The following TTBK1 variants were observed in gnomAD, a reference collection of about 807,000 sequenced individuals.
TTBK1 encodes tau-tubulin kinase 1.
TTBK1 carries 34 observed loss-of-function variants against 108.5 expected under a neutral mutation model. That is an observed-to-expected ratio of 0.31 (90% CI 0.24 to 0.42). The LOEUF (loss-of-function observed/expected upper bound fraction) is 0.42, where lower values mean the gene tolerates loss of function less well. TTBK1 is among the 10% of genes least tolerant of loss of function. The pLI, the probability that TTBK1 is intolerant of heterozygous loss-of-function variation, is 1.00. For synonymous variants in TTBK1, 809 were observed against 795.1 expected, an observed-to-expected ratio of 1.02 and a Z score of -0.29; for missense variants, 1,539 against 1,826.0, an observed-to-expected ratio of 0.84 and a Z score of 2.86.
rs542377476 is a variant in TTBK1 at position 43,265,397 on chromosome 6, G to A, written c.1986+2047G>A. 6.6e-6 allele frequency among the ~76,000 whole-genome samples: 1 copy of A among 152,310 alleles called. No individual in the cohort carries two copies. The highest frequency in any genetic ancestry group is 2.1e-4 in the South Asian group (1 of 4,832). ...AGAGGACCTCTGAGCTGTGATCCTG[G>A]GGAGTATGCATCCAGGCCTTGCCTG... On this transcript the variant is annotated intron_variant, in intron 13 of 14. Transcript: ENST00000259750. The surrounding 1 kb of genome is among the most constrained non-coding windows in gnomAD (Gnocchi z 4.1).
chr6:43,272,026 C>A, intron 13 of TTBK1: 1 of 985,438 alleles, frequency 1.0e-6, no homozygotes. Flanking sequence ...AAACAAAAAG[C>A]ACAAAGGTGA....
intron 13 of TTBK1, among the ~76,000 whole-genome samples, chr6:43,275,443 G>T (rs932465850): frequency 2.6e-5 from 4 of 151,956 alleles, no homozygotes; most frequent in African/African-American, 9.7e-5. Context: ...TGGCCCCGGG[G>T]CGGGGGCGGG....
rs1052972435 is a variant in TTBK1 at position 43,269,985 on chromosome 6, G to T, written c.1986+6635G>T. 2.8e-5 allele frequency: 40 copies of T among 1,425,420 alleles called. No homozygotes were observed. The highest frequency in any genetic ancestry group is 2.4e-4 in the Admixed American group (8 of 33,850). 88.3% of individuals were successfully genotyped at this position (1,425,420 alleles called of 1,614,324 possible). On this transcript the variant is annotated intron_variant, in intron 13 of 14. Transcript: ENST00000259750. The surrounding 1 kb of genome is among the most constrained non-coding windows in gnomAD (Gnocchi z 4.8). ...CCCCCCCTCCTGGAGGGGGCAGGTG[G>T]GGGGGGGTGGGGAGCAGGCAGAGGA...
chr6:43,259,545 G>C lies in TTBK1; in HGVS notation c.1263G>C (p.Glu421Asp). ...RINIGKSPCV[E>D]EEQSRGMGVP... ...CTCTCCTGCAGAGCCCCTGTGTGGA[G>C]GAGGAACAGAGCCGAGGCATGGGGG... Residue 421 changes from glutamate (E) to aspartate (D), a missense_variant, in exon 12 of 15, where the codon GAG becomes GAC. Physicochemically the swap from Glu to Asp is conservative, Grantham distance 45. This residue lies in a region of TTBK1 where 277 missense variants were observed against 332.4 expected (regional missense o/e 0.83). Coordinates refer to ENST00000259750, the MANE Select transcript of TTBK1 (RefSeq NM_032538.3). This position sits in a 1 kb window ranked among gnomAD's most constrained non-coding sequence, Gnocchi z 6.7. 1 of 1,589,670 alleles carries C rather than the reference G, an allele frequency of 6.3e-7. No homozygotes were observed. Among genetic ancestry groups the C allele is most frequent in the Non-Finnish European group, 8.6e-7 (1 of 1,168,926 alleles).
At chr6:43,254,518 C>G in intron 5 of TTBK1, 29 bp from the exon 6 acceptor site, 1 of 1,524,722 alleles carries the variant, frequency 6.6e-7, no homozygotes, top group Non-Finnish European at 8.8e-7. Flanking sequence ...GTTGGGGCCC[C>G]CAGAGCTCAC....
chr6:43,246,523 C>T, intron 1 of TTBK1, 84 bp from the exon 2 acceptor site: 1 of 598,202 alleles, frequency 1.7e-6, no homozygotes, highest in East Asian at 2.9e-5. Context: ...GAATGCAGAG[C>T]AGGAGTGGAG....
Position 43,284,094 on chromosome 6 carries a change from C to A in TTBK1, c.3354C>A (p.Arg1118=). Reference sequence around the variant, plus strand: ...CGTCCTCCTCCAGTGAGGAGCAGCGCCGTGCCTCTGAGACCCTCTCAGGCA... The same window carrying A: ...CGTCCTCCTCCAGTGAGGAGCAGCGACGTGCCTCTGAGACCCTCTCAGGCA... ...GASSSSSEEQ[R]RASETLSGTG... The change falls in exon 14 of 15, where the codon CGC becomes CGA. Residue 1118 remains arginine (R), a synonymous_variant. Coordinates refer to ENST00000259750, the MANE Select transcript of TTBK1 (RefSeq NM_032538.3). 6.5e-7 allele frequency: 1 copy of A among 1,540,426 alleles called. No homozygotes were observed. Among genetic ancestry groups the A allele is most frequent in the Non-Finnish European group, 8.7e-7 (1 of 1,145,796 alleles).
chr6:43,259,638 G>A lies in TTBK1; in HGVS notation c.1356G>A (p.Arg452=). ...PTTPVRSLRY[R]RVNSPESERL... ...CCCCAGTCCGTTCTCTGCGCTACCG[G>A]AGGGTGAACAGCCCTGAGTCAGAAA... Residue 452 remains arginine, a synonymous_variant, in exon 12 of 15, where the codon CGG becomes CGA. Transcript: ENST00000259750. The surrounding 1 kb of genome is among the most constrained non-coding windows in gnomAD (Gnocchi z 6.7). The A allele has an allele frequency of 6.2e-7, 1 of 1,610,398 alleles. No individual in the cohort carries two copies. The highest frequency in any genetic ancestry group is 8.5e-7 in the Non-Finnish European group (1 of 1,178,634).
chr6:43,254,973 G>C (rs1777346375), intron 6 of TTBK1, 76 bp from the exon 7 acceptor site: 1 of 1,429,978 alleles, frequency 7.0e-7, no homozygotes, highest in African/African-American at 1.4e-5. Context: ...TGAAGAGTTA[G>C]ACTTGGTGGC....
Position 43,243,667 on chromosome 6 carries a change from TCCGCCG to T in TTBK1, c.-88_-83del, listed in dbSNP as rs1282171577. The T allele has an allele frequency of 6.6e-6, 1 of 152,536 alleles. No homozygotes were observed. Among genetic ancestry groups the T allele is most frequent in the African/African-American group, 2.4e-5 (1 of 41,062 alleles). The allele number at this position is 152,536 out of a possible 1,614,324, so 9.4% of individuals were successfully genotyped here. On this transcript the variant is annotated 5_prime_UTR_variant, in exon 1 of 15. Transcript: ENST00000259750. This position sits in a 1 kb window ranked among gnomAD's most constrained non-coding sequence, Gnocchi z 5.5. The stretch of plus-strand genomic sequence containing the variant: ...GGATGCGCCGCCCCGAGCTGCTGCC[TCCGCCG>T]CCGCCGCAGCCGCAGCCGCAGCGGG...
At position 43,270,000 on chromosome 6, in the gene TTBK1, C is replaced by G. The variant is rs1002433765; in HGVS notation, c.1986+6650C>G. ...GGGGCAGGTGGGGGGGGGTGGGGAG[C>G]AGGCAGAGGACCATGGTTCCTTCCC... On this transcript the variant is annotated intron_variant, in intron 13 of 14. Coordinates refer to ENST00000259750, the MANE Select transcript of TTBK1 (RefSeq NM_032538.3). The surrounding 1 kb of genome is among the most constrained non-coding windows in gnomAD (Gnocchi z 4.8). The G allele has an allele frequency of 2.8e-6, 4 of 1,428,918 alleles. No homozygotes were observed. In the African/African-American group the frequency reaches 5.8e-5, roughly 21 times the overall value. 88.5% of individuals were successfully genotyped at this position (1,428,918 alleles called of 1,614,324 possible). A position where few individuals can be genotyped will look rare whatever the true frequency, so the allele number is the denominator to read the frequency against.
rs1582488043 is a variant in TTBK1, at chr6:43,259,411, C to T, written c.1249-120C>T. On this transcript the variant is annotated intron_variant, in intron 11 of 14. Coordinates refer to ENST00000259750, the MANE Select transcript of TTBK1 (RefSeq NM_032538.3). This position sits in a 1 kb window ranked among gnomAD's most constrained non-coding sequence, Gnocchi z 6.7. ...CCCTGCCTCTGTTTCCCGGTCCCTC[C>T]CCGCACTAGCCTCGCTGTGTCTTCC... The T allele has an allele frequency of 6.8e-6, 9 of 1,320,358 alleles. 1 individual carries two copies. In the South Asian group the frequency reaches 1.3e-4, roughly 20 times the overall value. 81.8% of individuals were successfully genotyped at this position (1,320,358 alleles called of 1,614,324 possible). A position where few individuals can be genotyped will look rare whatever the true frequency, so the allele number is the denominator to read the frequency against.
chr6:43,282,656 G>A lies in TTBK1; in HGVS notation c.1987-71G>A. On this transcript the variant is annotated intron_variant, in intron 13 of 14. Transcript: ENST00000259750. This position sits in a 1 kb window ranked among gnomAD's most constrained non-coding sequence, Gnocchi z 5.4. ...GGCCTGTGAGTCTCCTAGGTTGTGGGTGCAGCTGAAGTCTTCCTGGGCCCA... is the reference window on the plus strand; with the variant it reads ...GGCCTGTGAGTCTCCTAGGTTGTGGATGCAGCTGAAGTCTTCCTGGGCCCA... 3 of 1,323,694 alleles carry A rather than the reference G, an allele frequency of 2.3e-6. No individual in the cohort carries two copies. Among genetic ancestry groups the A allele is most frequent in the African/African-American group, 1.5e-5 (1 of 67,778 alleles). 82.0% of individuals were successfully genotyped at this position (1,323,694 alleles called of 1,614,324 possible). A position where few individuals can be genotyped will look rare whatever the true frequency, so the allele number is the denominator to read the frequency against.
In TTBK1 at chr6:43,259,554, G is replaced by C. The variant is rs775850715; in HGVS notation, c.1272G>C (p.Gln424His). ...AGAGCCCCTGTGTGGAGGAGGAACA[G>C]AGCCGAGGCATGGGGGTCCCCAGCT... The part of the protein sequence containing the change: ...IGKSPCVEEE[Q>H]SRGMGVPSSP... The change falls in exon 12 of 15, where the codon CAG becomes CAC. Residue 424 changes from glutamine (Q) to histidine (H), a missense_variant. Coordinates refer to ENST00000259750, the MANE Select transcript of TTBK1 (RefSeq NM_032538.3). The surrounding 1 kb of genome is among the most constrained non-coding windows in gnomAD (Gnocchi z 6.7). The C allele has an allele frequency of 6.9e-6, 11 of 1,598,058 alleles. No homozygotes were observed. The highest frequency in any genetic ancestry group is 2.7e-5 in the African/African-American group (2 of 74,570).
At chr6:43,280,411 A>G (rs1778124127) in intron 13 of TTBK1, among the ~76,000 whole-genome samples, 1 of 152,128 alleles carries the variant, frequency 6.6e-6, no homozygotes, top group Non-Finnish European at 1.5e-5. Context: ...GGTGGGAGAG[A>G]GCTAACATTT....
chr6:43,252,905 G>A lies in TTBK1; in HGVS notation c.256+19G>A, dbSNP rs778606703. 17 of 1,612,076 alleles carry A rather than the reference G, an allele frequency of 1.1e-5. No individual in the cohort carries two copies. Among genetic ancestry groups the A allele is most frequent in the Middle Eastern group, 1.7e-4 (1 of 5,830 alleles). ...TTGCAAGGTTCGGGCCTCGGGCAGGGGGATGGGAAGGAAGAGATGATGAAG... is the reference window on the plus strand; with the variant it reads ...TTGCAAGGTTCGGGCCTCGGGCAGGAGGATGGGAAGGAAGAGATGATGAAG... On this transcript the variant is annotated intron_variant, in intron 3 of 14. Coordinates refer to ENST00000259750, the MANE Select transcript of TTBK1 (RefSeq NM_032538.3).
chr6:43,285,571 C>T lies in TTBK1; in HGVS notation c.*195C>T. The T allele has an allele frequency of 6.7e-6, 4 of 595,590 alleles. No individual in the cohort carries two copies. Among genetic ancestry groups the T allele is most frequent in the East Asian group, 8.1e-5 (2 of 24,794 alleles). 36.9% of individuals were successfully genotyped at this position (595,590 alleles called of 1,614,324 possible). On this transcript the variant is annotated 3_prime_UTR_variant, in exon 15 of 15. Coordinates refer to ENST00000259750, the MANE Select transcript of TTBK1 (RefSeq NM_032538.3). The surrounding 1 kb of genome is among the most constrained non-coding windows in gnomAD (Gnocchi z 4.7). ...GCCAGGCCTTAGGGCCCGTGGGGGA[C>T]GCGGCCCCGCGCCGCGGGGAGGGTC...
intron 13 of TTBK1, among the ~76,000 whole-genome samples, chr6:43,264,646 G>T (rs955954453): frequency 2.6e-5 from 4 of 152,148 alleles, no homozygotes; most frequent in Non-Finnish European, 5.9e-5. Context: ...AGAGGGAGAG[G>T]TCGGAGCATG....
intron 12 of TTBK1, 145 bp from the exon 13 acceptor site, chr6:43,262,644 C>G: frequency 1.5e-6 from 1 of 681,806 alleles, no homozygotes; most frequent in Non-Finnish European, 2.3e-6. Context: ...AGGGTGACAA[C>G]CTAGAGGTAA....
Sources: allele counts gnomAD v4.1 joint callset (sites outside exome capture counted in the v4.1 genomes callset), GRCh38; gene constraint gnomAD v4.1.1; regional missense constraint gnomAD v4.1.1; non-coding constraint Gnocchi (gnomAD v3.1); transcripts MANE v1.5; gene names NCBI Gene and HGNC (gene_info 2026-07-23, HGNC 2026-07-21).